WWOX: variants seen among roughly 807,000 people sequenced by gnomAD.
The protein encoded by WWOX is WW domain-containing oxidoreductase.
In WWOX, 69 loss-of-function variants were observed where a neutral mutation model predicts 46.2. The ratio of observed to expected loss-of-function variants is 1.49; its 90% CI spans 1.23 to 1.82. WWOX has a LOEUF of 1.82. Ranked by LOEUF, WWOX falls within the 40% of genes most tolerant of loss-of-function variation. The probability of loss-of-function intolerance (pLI) is 0.00; values close to 1 mark genes in which losing one functional copy is unlikely to be tolerated. For missense variants in WWOX, 919 were observed against 542.6 expected, an observed-to-expected ratio of 1.69 and a Z score of -6.89; for synonymous variants, 359 against 202.6, an observed-to-expected ratio of 1.77 and a Z score of -6.56.
intron 8 of WWOX, among the ~76,000 whole-genome samples, chr16:79,182,363 A>T (rs2150788961): frequency 6.6e-6 from 1 of 152,046 alleles, no homozygotes; most frequent in South Asian, 2.1e-4. Context: ...TTCCCTTTTT[A>T]ACATGTCAGC....
chr16:78,567,295 C>T (rs905839277), intron 8 of WWOX, among the ~76,000 whole-genome samples: 3 of 151,872 alleles, frequency 2.0e-5, no homozygotes, highest in African/African-American at 7.3e-5. Flanking sequence ...CCTGTAATCC[C>T]AGCACTTTGG....
At chr16:78,266,474 A>G (rs7194052) in intron 5 of WWOX, among the ~76,000 whole-genome samples, 78,578 of 151,900 alleles carry the variant, frequency 0.52, 20,583 homozygotes, top group East Asian at 0.7. Flanking sequence ...AACCCCTACT[A>G]TCATCTCCAC....
chr16:78,479,540 G>A (rs996694019), intron 8 of WWOX, among the ~76,000 whole-genome samples: 1 of 152,126 alleles, frequency 6.6e-6, no homozygotes, highest in African/African-American at 2.4e-5. Flanking sequence ...GTGGCATGAT[G>A]GTATAGAATA....
chr16:79,180,698 A>G (rs535968468), intron 8 of WWOX, among the ~76,000 whole-genome samples: 1 of 151,002 alleles, frequency 6.6e-6, no homozygotes, highest in South Asian at 2.1e-4. Context: ...CCCTCCCTCC[A>G]TTTCTTCATT....
At chr16:79,087,197 C>G (rs1567540651) in intron 8 of WWOX, among the ~76,000 whole-genome samples, 1 of 152,206 alleles carries the variant, frequency 6.6e-6, no homozygotes, top group South Asian at 2.1e-4. Flanking sequence ...GCCATGATTT[C>G]AAGCCCTTCA....
At chr16:78,927,928 A>C (rs1157896966) in intron 8 of WWOX, among the ~76,000 whole-genome samples, 1 of 152,078 alleles carries the variant, frequency 6.6e-6, no homozygotes, top group Non-Finnish European at 1.5e-5. Flanking sequence ...CTTTTGCTTA[A>C]GTTTGCAGAG....
intron 8 of WWOX, among the ~76,000 whole-genome samples, chr16:78,972,309 T>G (rs2046486841): frequency 6.6e-6 from 1 of 152,076 alleles, no homozygotes; most frequent in South Asian, 2.1e-4. Context: ...GCATTATAAA[T>G]GAATGGAAAG....
intron 8 of WWOX, among the ~76,000 whole-genome samples, chr16:78,444,877 C>G (rs2083522820): frequency 6.6e-6 from 1 of 152,156 alleles, no homozygotes; most frequent in Non-Finnish European, 1.5e-5. Context: ...TCAGGGAGAA[C>G]TCACTCAAAT....
intron 8 of WWOX, among the ~76,000 whole-genome samples, chr16:78,937,809 A>G (rs769560996): frequency 6.6e-6 from 1 of 151,748 alleles, no homozygotes; most frequent in Non-Finnish European, 1.5e-5. Context: ...TTCTTTTTAA[A>G]TAGAGGTCTG....
intron 8 of WWOX, among the ~76,000 whole-genome samples, chr16:78,607,112 G>C (rs913094679): frequency 6.6e-6 from 1 of 152,066 alleles, no homozygotes; most frequent in African/African-American, 2.4e-5. Flanking sequence ...ATTCAGATTG[G>C]ATGAAAAGTT....
At chr16:78,996,753 C>A (rs2046998087) in intron 8 of WWOX, among the ~76,000 whole-genome samples, 1 of 152,146 alleles carries the variant, frequency 6.6e-6, no homozygotes, top group South Asian at 2.1e-4. Flanking sequence ...GCAATTCTCC[C>A]AACTGTTCCC....
intron 5 of WWOX, among the ~76,000 whole-genome samples, chr16:78,212,533 A>G (rs1223177470): frequency 6.6e-6 from 1 of 152,192 alleles, no homozygotes; most frequent in African/African-American, 2.4e-5. Flanking sequence ...CTGTGTCTGC[A>G]TTTGAATTTT....
intron 5 of WWOX, among the ~76,000 whole-genome samples, chr16:78,384,889 A>G (rs1031207422): frequency 1.3e-5 from 2 of 151,850 alleles, no homozygotes; most frequent in African/African-American, 4.8e-5. Flanking sequence ...TAATCCTAGC[A>G]CTTTCGGAGG....
intron 8 of WWOX, among the ~76,000 whole-genome samples, chr16:78,829,459 G>C (rs1427264698): frequency 6.6e-6 from 1 of 152,196 alleles, no homozygotes. Flanking sequence ...TCAAAGGTTA[G>C]TCTCATGTAG....
At chr16:78,163,294 G>C (rs1373557044) in intron 4 of WWOX, among the ~76,000 whole-genome samples, 1 of 152,156 alleles carries the variant, frequency 6.6e-6, no homozygotes, top group Non-Finnish European at 1.5e-5. Flanking sequence ...AATCAAACTA[G>C]GAATTGAAAT....
chr16:78,974,453 C>A (rs914326614), intron 8 of WWOX, among the ~76,000 whole-genome samples: 39 of 152,308 alleles, frequency 2.6e-4, no homozygotes, highest in Admixed American at 1.6e-3. Flanking sequence ...TCAAGTTCCA[C>A]AACAAAATGG....
chr16:78,214,339 GT>G (rs200005647), intron 5 of WWOX, among the ~76,000 whole-genome samples: 1,799 of 46,640 alleles, frequency 0.039, 11 homozygotes, highest in Admixed American at 0.055. Flanking sequence ...TCTGTAAAAG[GT>G]GTTGGTTTGT....
intron 8 of WWOX, among the ~76,000 whole-genome samples, chr16:78,814,644 G>T (rs141422719): frequency 8.3e-4 from 126 of 152,302 alleles, no homozygotes; most frequent in African/African-American, 2.9e-3. Context: ...ATGGAATCAT[G>T]CACCTTAGAC....
intron 8 of WWOX, among the ~76,000 whole-genome samples, chr16:79,188,960 T>G (rs780512956): frequency 6.6e-6 from 1 of 152,172 alleles, no homozygotes; most frequent in Admixed American, 6.5e-5. Flanking sequence ...ATTATAGTCT[T>G]TATTGCATGC....
Sources: allele counts gnomAD v4.1 joint callset (sites outside exome capture counted in the v4.1 genomes callset), GRCh38; gene constraint gnomAD v4.1.1; transcripts MANE v1.5; gene names NCBI Gene and HGNC (gene_info 2026-07-23, HGNC 2026-07-21).